The following SCN2A variants were observed in gnomAD, a reference collection of about 807,000 sequenced individuals.
The protein encoded by SCN2A is sodium voltage-gated channel alpha subunit 2.
A neutral mutation model predicts 188.7 loss-of-function variants in SCN2A; 20 were observed. The ratio of observed to expected loss-of-function variants is 0.11; its 90% CI spans 0.07 to 0.15. The LOEUF is 0.15. SCN2A is among the 10% of genes least tolerant of loss of function. The pLI, the probability that SCN2A is intolerant of heterozygous loss-of-function variation, is 1.00. For missense variants in SCN2A, 1,278 were observed against 2,445.0 expected, an observed-to-expected ratio of 0.52 and a Z score of 10.07; for synonymous variants, 804 against 833.1, an observed-to-expected ratio of 0.97 and a Z score of 0.60.
chr2:165,264,730 G>T (rs1261307828), intron 1 of SCN2A, among the ~76,000 whole-genome samples: 2 of 152,010 alleles, frequency 1.3e-5, no homozygotes, highest in African/African-American at 4.8e-5. Flanking sequence ...TTGGTTTTCT[G>T]TTCCTGTGTT....
intron 25 of SCN2A, among the ~76,000 whole-genome samples, 166 bp downstream of exon 25, chr2:165,381,363 A>G (rs1701592729): frequency 1.3e-5 from 2 of 151,878 alleles, no homozygotes; most frequent in Admixed American, 6.6e-5. Flanking sequence ...CTTTACATAT[A>G]TAATATGTAT....
chr2:165,296,202 T>A, intron 2 of SCN2A, 112 bp downstream of exon 2: 1 of 1,047,810 alleles, frequency 9.5e-7, no homozygotes, highest in Non-Finnish European at 1.5e-6. Flanking sequence ...AAAGTATCAC[T>A]AAGATGCTGG....
chr2:165,353,807 C>T (rs375764642), intron 16 of SCN2A, among the ~76,000 whole-genome samples: 2 of 152,110 alleles, frequency 1.3e-5, no homozygotes, highest in African/African-American at 4.8e-5. Context: ...CCAGGCCCCA[C>T]GTCTAGTGCT....
chr2:165,282,769 C>A (rs1479638475), intron 1 of SCN2A, among the ~76,000 whole-genome samples: 1 of 152,108 alleles, frequency 6.6e-6, no homozygotes, highest in African/African-American at 2.4e-5. Flanking sequence ...CTGGCCCTAG[C>A]AATTGCAGTA....
intron 20 of SCN2A, 130 bp downstream of exon 20, chr2:165,370,429 C>T: frequency 1.0e-6 from 1 of 956,512 alleles, no homozygotes; most frequent in Non-Finnish European, 1.7e-6. Context: ...TCTCATTTCA[C>T]AGTGAGAGGA....
rs747214083 is a variant in SCN2A at position 165,388,623 on chromosome 2, C to A, written c.4823-6C>A. Reference sequence around the variant, plus strand: ...AATATTTTTGTTATTTGTTGATTTTCTACAGGAATGTTTCTGGCTGAACTG... The same window carrying A: ...AATATTTTTGTTATTTGTTGATTTTATACAGGAATGTTTCTGGCTGAACTG... On this transcript the variant is annotated splice_region_variant and splice_polypyrimidine_tract_variant and intron_variant, in intron 26 of 26. Coordinates refer to ENST00000375437, the MANE Select transcript of SCN2A (RefSeq NM_001040142.2). 5.6e-6 allele frequency: 9 copies of A among 1,613,744 alleles called. No homozygotes were observed. The highest frequency in any genetic ancestry group is 7.6e-6 in the Non-Finnish European group (9 of 1,179,764).
intron 23 of SCN2A, among the ~76,000 whole-genome samples, chr2:165,379,595 T>G (rs142839346): frequency 1.3e-5 from 2 of 151,882 alleles, no homozygotes; most frequent in South Asian, 4.1e-4. Context: ...CTTTCCTGTA[T>G]GTATATTGTC....
chr2:165,338,158 A>AT (rs1408928664), intron 14 of SCN2A, among the ~76,000 whole-genome samples: 1 of 151,740 alleles, frequency 6.6e-6, no homozygotes, highest in Admixed American at 6.6e-5. Flanking sequence ...AACATGCAGT[A>AT]TTTGGTTTTC....
intron 17 of SCN2A, among the ~76,000 whole-genome samples, chr2:165,359,756 A>G (rs970277335): frequency 6.6e-6 from 1 of 151,952 alleles, no homozygotes; most frequent in Non-Finnish European, 1.5e-5. Flanking sequence ...ATTAAGATGG[A>G]AAAAAATGCC....
rs975438288 is a variant in SCN2A, at chr2:165,377,755, A to T, written c.4308+105A>T. On this transcript the variant is annotated intron_variant, in intron 23 of 26. Transcript: ENST00000375437. The stretch of plus-strand genomic sequence containing the variant: ...TAAAATAAAATTATGTGCTTAATTT[A>T]TAAAACCCATCTATATTATAAGGAT... The T allele has an allele frequency of 8.0e-6, 7 of 869,996 alleles. No homozygotes were observed. In the East Asian group the frequency reaches 1.9e-4, roughly 24 times the overall value. The allele number at this position is 869,996 out of a possible 1,614,324, so 53.9% of individuals were successfully genotyped here.
intron 13 of SCN2A, 152 bp from the exon 14 acceptor site, chr2:165,331,178 A>C: frequency 2.9e-6 from 2 of 684,488 alleles, no homozygotes; most frequent in Admixed American, 4.4e-5. Flanking sequence ...ATGACAGCAA[A>C]CCCATTGTAA....
chr2:165,302,611 A>G (rs1696879015), intron 3 of SCN2A, among the ~76,000 whole-genome samples: 1 of 152,202 alleles, frequency 6.6e-6, no homozygotes, highest in Non-Finnish European at 1.5e-5. Flanking sequence ...TTAGTGGATA[A>G]TGACTGTATA....
At chr2:165,385,263 T>C (rs1467949041) in intron 25 of SCN2A, among the ~76,000 whole-genome samples, 3 of 152,086 alleles carry the variant, frequency 2.0e-5, no homozygotes, top group African/African-American at 7.2e-5. Context: ...AGCAGAGTAT[T>C]AGTCATTCTA....
In SCN2A at chr2:165,327,180, C is replaced by T. The variant is rs7569870; in HGVS notation, c.2149+196C>T. 56,588 of 588,390 alleles carry T rather than the reference C, an allele frequency of 0.096. 3,277 individuals are homozygous for T. Among genetic ancestry groups the T allele is most frequent in the Middle Eastern group, 0.18 (375 of 2,058 alleles). The allele number at this position is 588,390 out of a possible 1,614,324, so 36.4% of individuals were successfully genotyped here. ...ATTTTTTTTTTTTATATTTAGCCTCCAGAAAGCTGCTGCAAATGTAAGGTA... is the reference window on the plus strand; with the variant it reads ...ATTTTTTTTTTTTATATTTAGCCTCTAGAAAGCTGCTGCAAATGTAAGGTA... On this transcript the variant is annotated intron_variant, in intron 13 of 26. Transcript: ENST00000375437.
At chr2:165,378,570 A>G (rs563808343) in intron 23 of SCN2A, among the ~76,000 whole-genome samples, 2 of 151,892 alleles carry the variant, frequency 1.3e-5, no homozygotes, top group African/African-American at 4.8e-5. Context: ...CTACTGAAGC[A>G]AAGAGGCTTA....
chr2:165,367,103 T>C (rs1326097461), intron 18 of SCN2A, 114 bp from the exon 19 acceptor site: 2 of 999,832 alleles, frequency 2.0e-6, no homozygotes, highest in African/African-American at 3.3e-5. Context: ...TCTTAAAAAT[T>C]AATGTTATTT....
rs1702141205 is a variant in SCN2A at position 165,392,081 on chromosome 2, T to C, written c.*2257T>C. On this transcript the variant is annotated 3_prime_UTR_variant, in exon 27 of 27. Coordinates refer to ENST00000375437, the MANE Select transcript of SCN2A (RefSeq NM_001040142.2). ...GTTGTCTTTGTTTCTATCTTTGAAA[T>C]GCCATTTAAAGGTAGATTTCTATCA... 6.6e-6 allele frequency: 1 copy of C among 152,522 alleles called. No individual in the cohort carries two copies. Among genetic ancestry groups the C allele is most frequent in the South Asian group, 2.1e-4 (1 of 4,834 alleles). The allele number at this position is 152,522 out of a possible 1,614,324, so 9.4% of individuals were successfully genotyped here.
At chr2:165,355,098 C>A (rs906306972) in intron 17 of SCN2A, among the ~76,000 whole-genome samples, 3 of 152,086 alleles carry the variant, frequency 2.0e-5, no homozygotes, top group Admixed American at 1.3e-4. Flanking sequence ...TTACGAAATA[C>A]GTCATAAAAT....
rs796053205 is a variant in SCN2A at position 165,323,345 on chromosome 2, C to T, written c.1861C>T (p.Arg621Cys). Residue 621 changes from arginine to cysteine, a missense_variant, in exon 12 of 27, where the codon CGC (arginine) becomes TGC (cysteine). This residue lies in a region of SCN2A where 315 missense variants were observed against 386.6 expected (regional missense o/e 0.81). Transcript: ENST00000375437. ...CGTGCCGCACAGACATGGAGAACGG[C>T]GCCACAGCAATGTCAGCCAGGCCAG... ...LFVPHRHGER[R>C]HSNVSQASRA... 3.7e-6 allele frequency: 6 copies of T among 1,614,148 alleles called. No homozygotes were observed. Among genetic ancestry groups the T allele is most frequent in the Admixed American group, 1.7e-5 (1 of 60,022 alleles).
Sources: allele counts gnomAD v4.1 joint callset (sites outside exome capture counted in the v4.1 genomes callset), GRCh38; gene constraint gnomAD v4.1.1; regional missense constraint gnomAD v4.1.1; transcripts MANE v1.5; gene names NCBI Gene and HGNC (gene_info 2026-07-23, HGNC 2026-07-21).